SLC14A2: variants seen among roughly 807,000 people sequenced by gnomAD.
SLC14A2 encodes the protein solute carrier family 14 member 2, also known as urea transporter 2.
Under a neutral mutation model 104.6 loss-of-function variants are expected in SLC14A2, and 91 were observed. The ratio of observed to expected loss-of-function variants is 0.87; its 90% CI spans 0.73 to 1.04. SLC14A2 has a LOEUF of 1.04. Ranked by LOEUF, SLC14A2 falls within the 50% of genes least tolerant of loss-of-function variation. The pLI is 0.00. For synonymous variants in SLC14A2, 476 were observed against 466.4 expected (o/e 1.02, Z -0.27); for missense variants, 1,189 against 1,156.0 (o/e 1.03, Z -0.41).
Position 45,267,759 on chromosome 18 carries a change from G to A in SLC14A2, c.-125+54568G>A, listed in dbSNP as rs74727084. Among the ~76,000 whole-genome samples, 190 of 152,190 alleles carry A rather than the reference G, an allele frequency of 1.2e-3. 4 individuals carry two copies. Among genetic ancestry groups the A allele is most frequent in the Non-Finnish European group, 1.2e-3 (83 of 68,010 alleles). On this transcript the variant is annotated intron_variant, in intron 1 of 20. Coordinates refer to the SLC14A2 transcript ENST00000586448. ...CATTATTGTTATGGGAAATATAAAG[G>A]CAAGAAACCAAACATCCTGACACTG...
chr18:45,600,799 G>A (rs966800095), intron 2 of SLC14A2, among the ~76,000 whole-genome samples: 4 of 152,222 alleles, frequency 2.6e-5, no homozygotes, highest in South Asian at 2.1e-4. Flanking sequence ...CTTACAAAAC[G>A]CAAATTCAAG....
intron 2 of SLC14A2, among the ~76,000 whole-genome samples, chr18:45,537,927 A>T (rs927223121): frequency 6.6e-6 from 1 of 152,210 alleles, no homozygotes; most frequent in Non-Finnish European, 1.5e-5. Flanking sequence ...GGAAATAAAA[A>T]TGTGGTGCCA....
chr18:45,445,189 G>A (rs989745599), intron 1 of SLC14A2, among the ~76,000 whole-genome samples: 2 of 142,850 alleles, frequency 1.4e-5, no homozygotes, highest in African/African-American at 5.2e-5. Flanking sequence ...TTGGCTCACC[G>A]AAACCTCCGC....
chr18:45,255,496 CACAG>C (rs1264242634), intron 1 of SLC14A2, among the ~76,000 whole-genome samples: 6 of 152,226 alleles, frequency 3.9e-5, no homozygotes, highest in African/African-American at 1.4e-4. Flanking sequence ...GCCAGAGAAT[CACAG>C]ACAAATAGTC....
At chr18:45,413,674 G>T (rs543282760) in intron 1 of SLC14A2, among the ~76,000 whole-genome samples, 19 of 152,124 alleles carry the variant, frequency 1.2e-4, no homozygotes, top group Non-Finnish European at 1.9e-4. Context: ...TTGTTGTTTG[G>T]CAAGTTGATC....
chr18:45,346,743 A>ATGAAACCCGGCCAACATGG (rs2085451857), intron 1 of SLC14A2, among the ~76,000 whole-genome samples: 2 of 151,902 alleles, frequency 1.3e-5, no homozygotes, highest in African/African-American at 2.4e-5. Flanking sequence ...GGCCAACATG[A>ATGAAACCCGGCCAACATGG]TGAAACCCGG....
At chr18:45,374,623 CA>C (rs2085755380) in intron 1 of SLC14A2, among the ~76,000 whole-genome samples, 1 of 151,120 alleles carries the variant, frequency 6.6e-6, no homozygotes, top group African/African-American at 2.4e-5. Flanking sequence ...CTATTAGAGG[CA>C]AAACTAAGAT....
chr18:45,603,749 T>G (rs1004443431), intron 2 of SLC14A2, among the ~76,000 whole-genome samples: 6 of 151,814 alleles, frequency 4.0e-5, no homozygotes, highest in African/African-American at 1.5e-4. Context: ...CCCTAAAGAG[T>G]CATTGACTTG....
the SLC14A2 span, among the ~76,000 whole-genome samples, chr18:45,183,142 C>T: frequency 2.6e-5 from 4 of 152,126 alleles, no homozygotes; most frequent in Admixed American, 2.6e-4. Context: ...GCTGGCTTCC[C>T]CCAGTGCATT....
intron 1 of SLC14A2, among the ~76,000 whole-genome samples, chr18:45,446,431 G>C (rs987985700): frequency 1.3e-5 from 2 of 152,186 alleles, no homozygotes; most frequent in Non-Finnish European, 2.9e-5. Flanking sequence ...GAAAGTAGCT[G>C]TCTGCAAGCC....
At chr18:45,270,961 C>T (rs2084645151) in intron 1 of SLC14A2, among the ~76,000 whole-genome samples, 1 of 152,116 alleles carries the variant, frequency 6.6e-6, no homozygotes, top group Non-Finnish European at 1.5e-5. Flanking sequence ...TAAGCAGATA[C>T]AAATTTAGCT....
At chr18:45,410,966 A>G (rs7242620) in intron 1 of SLC14A2, among the ~76,000 whole-genome samples, 54,927 of 152,142 alleles carry the variant, frequency 0.36, 11,954 homozygotes, top group Non-Finnish European at 0.48. Context: ...AACTTCTTTC[A>G]GATGGACCCT....
At chr18:45,405,949 A>T (rs1205953445) in intron 1 of SLC14A2, among the ~76,000 whole-genome samples, 3 of 151,596 alleles carry the variant, frequency 2.0e-5, no homozygotes, top group Non-Finnish European at 4.4e-5. Flanking sequence ...GCGAGTTGTA[A>T]TTTTTTTTAC....
In SLC14A2 at chr18:45,402,742, A is replaced by G. The variant is rs557382509; in HGVS notation, c.-124-80491A>G. Among the ~76,000 whole-genome samples, 6 of 152,338 alleles carry G rather than the reference A, an allele frequency of 3.9e-5. No individual in the cohort carries two copies. In the South Asian group the frequency reaches 1.2e-3, roughly 32 times the overall value. On this transcript the variant is annotated intron_variant, in intron 1 of 20. Coordinates refer to the SLC14A2 transcript ENST00000586448. ...ATCTGAATTACTGGGAGGAGTTGGCACAGCTAGTTAGTGACAGAGTTGAGA... is the reference window on the plus strand; with the variant it reads ...ATCTGAATTACTGGGAGGAGTTGGCGCAGCTAGTTAGTGACAGAGTTGAGA...
chr18:45,616,048 C>G (rs1021508939), intron 1 of SLC14A2, among the ~76,000 whole-genome samples: 2 of 152,154 alleles, frequency 1.3e-5, no homozygotes, highest in Admixed American at 6.5e-5. Context: ...TGTGGGACCT[C>G]AGGAGGCCAC....
At chr18:45,642,638 G>T (rs2045549967) in intron 8 of SLC14A2, among the ~76,000 whole-genome samples, 1 of 152,208 alleles carries the variant, frequency 6.6e-6, no homozygotes, top group Non-Finnish European at 1.5e-5. Flanking sequence ...CTGGCTCCTG[G>T]GGACTGGTTC....
intron 1 of SLC14A2, among the ~76,000 whole-genome samples, chr18:45,238,989 T>C (rs962724598): frequency 3.3e-5 from 5 of 152,110 alleles, no homozygotes; most frequent in African/African-American, 1.2e-4. Flanking sequence ...TATTAGCATA[T>C]GAAGGATGTC....
intron 1 of SLC14A2, among the ~76,000 whole-genome samples, chr18:45,251,594 C>A (rs2084424164): frequency 1.3e-5 from 2 of 152,162 alleles, no homozygotes; most frequent in Admixed American, 1.3e-4. Context: ...TTGTCTGCAG[C>A]GTTGTTTCTT....
At chr18:45,609,140 TCTGTCTCC>T (rs900092296) in intron 2 of SLC14A2, among the ~76,000 whole-genome samples, 8 of 152,114 alleles carry the variant, frequency 5.3e-5, no homozygotes, top group Admixed American at 3.3e-4. Context: ...GGAGCATCCA[TCTGTCTCC>T]CTGTCTCCCT....
Sources: gnomAD v4.1 joint callset for allele counts (sites outside exome capture counted in the v4.1 genomes callset) on GRCh38, gnomAD v4.1.1 for gene constraint, MANE v1.5 for transcripts, NCBI Gene and HGNC (gene_info 2026-07-23, HGNC 2026-07-21) for gene names.